The following TMEM132C variants were observed in gnomAD, a reference collection of about 807,000 sequenced individuals.
The protein encoded by TMEM132C is protein phosphatase 1, regulatory subunit 152.
A neutral mutation model predicts 61.4 loss-of-function variants in TMEM132C; 29 were observed. The ratio of observed to expected loss-of-function variants is 0.47; its 90% CI spans 0.35 to 0.64. The LOEUF is 0.64. Ranked by LOEUF, TMEM132C falls within the 30% of genes least tolerant of loss-of-function variation. TMEM132C has a pLI of 0.00. For synonymous variants in TMEM132C, 656 were observed against 633.1 expected (o/e 1.04, Z -0.54); for missense variants, 1,408 against 1,476.9 (o/e 0.95, Z 0.76).
intron 2 of TMEM132C, among the ~76,000 whole-genome samples, chr12:128,431,468 G>A (rs765281528): frequency 2.6e-5 from 4 of 152,080 alleles, no homozygotes; most frequent in Non-Finnish European, 4.4e-5. Context: ...TCGTCGATGA[G>A]GTGGCTGCAC....
At position 128,415,680 on chromosome 12, in the gene TMEM132C, A is replaced by T. The variant is rs1412262038; in HGVS notation, c.974+60A>T. On this transcript the variant is annotated intron_variant, in intron 2 of 8. Transcript: ENST00000435159. The surrounding 1 kb of genome is among the most constrained non-coding windows in gnomAD (Gnocchi z 5.8). ...CATGCCTGGTGTGAGACTGGGTTCC[A>T]TGCGTGGCAGATAGATATTCAGGAA... is the stretch of plus-strand genomic sequence containing the variant. 1 of 1,446,138 alleles carries T rather than the reference A, an allele frequency of 6.9e-7. No homozygotes were observed. The highest frequency in any genetic ancestry group is 9.2e-7 in the Non-Finnish European group (1 of 1,089,770). The allele number at this position is 1,446,138 out of a possible 1,614,324, so 89.6% of individuals were successfully genotyped here.
intron 4 of TMEM132C, among the ~76,000 whole-genome samples, chr12:128,647,858 T>C (rs1002563026): frequency 6.7e-6 from 1 of 149,634 alleles, no homozygotes; most frequent in Non-Finnish European, 1.5e-5. Context: ...CCCATCAGCA[T>C]TGGATGTGAG....
intron 3 of TMEM132C, among the ~76,000 whole-genome samples, chr12:128,606,089 G>A (rs945193840): frequency 2.0e-5 from 3 of 152,184 alleles, no homozygotes; most frequent in Non-Finnish European, 2.9e-5. Flanking sequence ...TTGGGCTGGG[G>A]GCTATCTGAA....
intron 2 of TMEM132C, among the ~76,000 whole-genome samples, chr12:128,442,338 T>A (rs1869826512): frequency 6.6e-6 from 1 of 152,232 alleles, no homozygotes; most frequent in African/African-American, 2.4e-5. Context: ...CCAGGGCATA[T>A]GCACATGCAG....
intron 1 of TMEM132C, among the ~76,000 whole-genome samples, chr12:128,291,496 A>G (rs533940118): frequency 1.3e-5 from 2 of 152,348 alleles, no homozygotes; most frequent in East Asian, 3.9e-4. Context: ...GGAGGAGATG[A>G]TGCTGGGATT....
At chr12:128,687,534 G>C (rs188584588) in intron 5 of TMEM132C, among the ~76,000 whole-genome samples, 2 of 152,290 alleles carry the variant, frequency 1.3e-5, no homozygotes, top group Non-Finnish European at 2.9e-5. Context: ...AGACAAGTAG[G>C]GGAGGAGCCT....
chr12:128,337,463 G>A (rs1020840926), intron 1 of TMEM132C, among the ~76,000 whole-genome samples: 6 of 152,120 alleles, frequency 3.9e-5, no homozygotes, highest in African/African-American at 4.8e-5. Flanking sequence ...ACTTGTGATC[G>A]CATTCCTACC....
At chr12:128,347,393 G>GTC (rs1330764900) in intron 1 of TMEM132C, among the ~76,000 whole-genome samples, 12 of 116,790 alleles carry the variant, frequency 1.0e-4, no homozygotes, top group African/African-American at 4.8e-4. Flanking sequence ...GCATGCATAT[G>GTC]TATGTCTCTC....
intron 2 of TMEM132C, among the ~76,000 whole-genome samples, chr12:128,516,275 A>G (rs1461757061): frequency 6.6e-6 from 1 of 152,220 alleles, no homozygotes; most frequent in African/African-American, 2.4e-5. Flanking sequence ...AGGCTGGATA[A>G]ACCTGTGGAA....
At chr12:128,487,966 G>T (rs775845502) in intron 2 of TMEM132C, among the ~76,000 whole-genome samples, 1 of 152,314 alleles carries the variant, frequency 6.6e-6, no homozygotes, top group East Asian at 1.9e-4. Context: ...TTCCATTGCA[G>T]TAGCCACATT....
intron 2 of TMEM132C, among the ~76,000 whole-genome samples, chr12:128,496,523 T>C (rs561500553): frequency 2.6e-5 from 4 of 152,334 alleles, no homozygotes; most frequent in East Asian, 1.9e-4. Flanking sequence ...TTGGAGGCTT[T>C]ATTCATTTCT....
intron 4 of TMEM132C, among the ~76,000 whole-genome samples, chr12:128,617,990 A>G (rs1876868595): frequency 6.6e-6 from 1 of 152,172 alleles, no homozygotes; most frequent in South Asian, 2.1e-4. Context: ...AATGGTTTTA[A>G]CATTTTTAAA....
intron 2 of TMEM132C, among the ~76,000 whole-genome samples, chr12:128,438,608 GT>G (rs1869676868): frequency 6.6e-6 from 1 of 152,088 alleles, no homozygotes; most frequent in Admixed American, 6.5e-5. Context: ...TAAAATTCAG[GT>G]TAAATTCTCA....
chr12:128,486,181 G>A (rs1871486438), intron 2 of TMEM132C, among the ~76,000 whole-genome samples: 1 of 152,170 alleles, frequency 6.6e-6, no homozygotes, highest in African/African-American at 2.4e-5. Flanking sequence ...ACGTTCGTAG[G>A]CACATTGGGT....
At chr12:128,293,394 C>G (rs1871309690) in intron 1 of TMEM132C, among the ~76,000 whole-genome samples, 1 of 152,122 alleles carries the variant, frequency 6.6e-6, no homozygotes, top group South Asian at 2.1e-4. Flanking sequence ...TCCCTTCACC[C>G]TGATTGTTTT....
At chr12:128,276,916 A>ACACACACACACAC (rs1566039193) in intron 1 of TMEM132C, among the ~76,000 whole-genome samples, 5 of 151,442 alleles carry the variant, frequency 3.3e-5, no homozygotes, top group Admixed American at 1.3e-4. Flanking sequence ...ACACACACAC[A>ACACACACACACAC]ATTCTAGGCT....
intron 2 of TMEM132C, among the ~76,000 whole-genome samples, chr12:128,426,912 A>G (rs1869204886): frequency 6.6e-6 from 1 of 152,180 alleles, no homozygotes; most frequent in African/African-American, 2.4e-5. Flanking sequence ...TTAGTTTTCG[A>G]GTTCTCCAAA....
Position 128,693,888 on chromosome 12 carries a change from T to A in TMEM132C, c.1509T>A (p.Asp503Glu). ...VNGKEIKGKMDAVVNFTYQYL... is the reference protein window; with the variant it reads ...VNGKEIKGKMEAVVNFTYQYL... ...GCAAAGAGATCAAAGGAAAGATGGATGCGGTGGTGAACTTCACATACCAGT... is the reference window on the plus strand; with the variant it reads ...GCAAAGAGATCAAAGGAAAGATGGAAGCGGTGGTGAACTTCACATACCAGT... Residue 503 changes from aspartate (D) to glutamate (E), a missense_variant, in exon 6 of 9, where the codon GAT (aspartate) becomes GAA (glutamate). By Grantham distance (45) the Asp-to-Glu change is conservative. Coordinates refer to ENST00000435159, the MANE Select transcript of TMEM132C (RefSeq NM_001136103.3). 1 of 1,551,718 alleles carries A rather than the reference T, an allele frequency of 6.4e-7. No homozygotes were observed. The highest frequency in any genetic ancestry group is 1.2e-5 in the South Asian group (1 of 84,064).
At chr12:128,699,034 C>T (rs1954785452) in intron 8 of TMEM132C, among the ~76,000 whole-genome samples, 1 of 152,146 alleles carries the variant, frequency 6.6e-6, no homozygotes, top group South Asian at 2.1e-4. Flanking sequence ...GGGATTGGAA[C>T]GTTCCAGCCA....
Sources: gnomAD v4.1 joint callset for allele counts (sites outside exome capture counted in the v4.1 genomes callset) on GRCh38, gnomAD v4.1.1 for gene constraint, Gnocchi (gnomAD v3.1) non-coding constraint, MANE v1.5 for transcripts, NCBI Gene and HGNC (gene_info 2026-07-23, HGNC 2026-07-21) for gene names.